The following TG variants were observed in gnomAD, a reference collection of about 807,000 sequenced individuals.
TG encodes thyroglobulin.
TG carries 270 observed loss-of-function variants against 324.7 expected under a neutral mutation model. The observed-to-expected ratio is 0.83, with a 90% CI of 0.75 to 0.92. The LOEUF is 0.92. Ranked by LOEUF, TG falls within the 40% of genes least tolerant of loss-of-function variation. The probability of loss-of-function intolerance (pLI) is 0.00; values close to 1 mark genes in which losing one functional copy is unlikely to be tolerated. For synonymous variants in TG, 1,401 were observed against 1,327.0 expected (o/e 1.06, Z -1.21); for missense variants, 3,591 against 3,456.4 (o/e 1.04, Z -0.98).
intron 34 of TG, among the ~76,000 whole-genome samples, chr8:132,981,312 G>C (rs1178621379): frequency 6.6e-6 from 1 of 152,226 alleles, no homozygotes; most frequent in East Asian, 1.9e-4. Flanking sequence ...TGTTCAATCA[G>C]TATTGGGAGA....
At chr8:133,031,592 A>C (rs1257757985) in intron 41 of TG, among the ~76,000 whole-genome samples, 1 of 152,212 alleles carries the variant, frequency 6.6e-6, no homozygotes, top group East Asian at 1.9e-4. Context: ...GATGGAGAAC[A>C]ATTAACTGTA....
At chr8:132,929,355 C>A (rs1420345309) in intron 23 of TG, among the ~76,000 whole-genome samples, 163 bp downstream of exon 23, 1 of 152,214 alleles carries the variant, frequency 6.6e-6, no homozygotes, top group Non-Finnish European at 1.5e-5. Context: ...ATATTCAATT[C>A]ATAACTTAAT....
At chr8:133,080,915 T>C (rs1845645242) in intron 41 of TG, among the ~76,000 whole-genome samples, 1 of 152,204 alleles carries the variant, frequency 6.6e-6, no homozygotes, top group Non-Finnish European at 1.5e-5. Context: ...CAACCAACAA[T>C]GATTGCTCCC....
chr8:132,919,330 A>G (rs1206279990), intron 20 of TG, 46 bp from the exon 21 acceptor site: 2 of 1,595,010 alleles, frequency 1.3e-6, no homozygotes, highest in Non-Finnish European at 1.7e-6. Flanking sequence ...TGTAACTGTG[A>G]AGCATGTGTC....
intron 5 of TG, among the ~76,000 whole-genome samples, chr8:132,875,038 C>G (rs1216198592): frequency 6.6e-6 from 1 of 152,190 alleles, no homozygotes; most frequent in Non-Finnish European, 1.5e-5. Context: ...TGGCCACTTA[C>G]TCTCTCAGAG....
In TG at chr8:133,075,317, G is replaced by A. The variant is rs371322982; in HGVS notation, c.7240-19727G>A. On this transcript the variant is annotated intron_variant, in intron 41 of 47. Coordinates refer to ENST00000220616, the MANE Select transcript of TG (RefSeq NM_003235.5). ...GGGCCCACGAAGGCTGTGGCTAAGA[G>A]CTGCAGCTTCTCTGATTTCGGTTTC... 1.4e-4 allele frequency among the ~76,000 whole-genome samples: 21 copies of A among 152,274 alleles called. 1 individual carries two copies. The highest frequency in any genetic ancestry group is 5.1e-4 in the African/African-American group (21 of 41,560).
chr8:132,872,249 C>A (rs1045919570), intron 4 of TG, among the ~76,000 whole-genome samples: 1 of 151,684 alleles, frequency 6.6e-6, no homozygotes, highest in Non-Finnish European at 1.5e-5. Flanking sequence ...GAGGCCGAGG[C>A]GGGCGGATCA....
At chr8:133,002,435 C>A (rs772058502) in intron 35 of TG, 3 of 983,220 alleles carry the variant, frequency 3.1e-6, no homozygotes, top group Non-Finnish European at 2.4e-6. Context: ...CGCCTCACAT[C>A]TTTCAGCAAG....
At chr8:132,943,669 C>T (rs537215877) in intron 26 of TG, among the ~76,000 whole-genome samples, 24 of 152,242 alleles carry the variant, frequency 1.6e-4, no homozygotes, top group African/African-American at 5.3e-4. Context: ...GACCTTCCCT[C>T]GAGTGCCTTT....
chr8:132,974,790 C>A (rs1246573424), intron 34 of TG, among the ~76,000 whole-genome samples: 1 of 152,166 alleles, frequency 6.6e-6, no homozygotes, highest in Admixed American at 6.5e-5. Context: ...CATGAAAGAT[C>A]CAGATGCAGC....
chr8:133,047,742 A>G, intron 41 of TG: 1 of 803,150 alleles, frequency 1.2e-6, no homozygotes, highest in Non-Finnish European at 2.2e-6. Context: ...CGTAGGAGGA[A>G]GGAAAATGAA....
At chr8:132,945,712 T>C (rs781195232) in intron 26 of TG, among the ~76,000 whole-genome samples, 10 of 151,960 alleles carry the variant, frequency 6.6e-5, no homozygotes, top group Admixed American at 3.9e-4. Context: ...GTAGAGAATA[T>C]GCAAAGAGAT....
intron 11 of TG, among the ~76,000 whole-genome samples, chr8:132,896,082 A>G (rs748679896): frequency 6.6e-6 from 1 of 152,260 alleles, no homozygotes; most frequent in Non-Finnish European, 1.5e-5. Context: ...GGCGAAGGCC[A>G]TGGGAGGAAA....
At chr8:133,127,081 A>G (rs1430654954) in intron 45 of TG, among the ~76,000 whole-genome samples, 2 of 152,142 alleles carry the variant, frequency 1.3e-5, no homozygotes, top group South Asian at 2.1e-4. Context: ...TCTTCACACC[A>G]TTATCAGCAG....
chr8:132,950,589 A>C (rs1825966306), intron 27 of TG, among the ~76,000 whole-genome samples: 1 of 152,172 alleles, frequency 6.6e-6, no homozygotes, highest in Non-Finnish European at 1.5e-5. Flanking sequence ...TGCTCTGCCC[A>C]TTCCTTTGTT....
chr8:132,971,869 A>T lies in TG; in HGVS notation c.6051A>T (p.Leu2017Phe). 6.2e-7 allele frequency: 1 copy of T among 1,608,552 alleles called. No homozygotes were observed. The highest frequency in any genetic ancestry group is 8.5e-7 in the Non-Finnish European group (1 of 1,174,940). ...TGFGFLNVSQLKGGEVTCLTL... is the reference protein window; with the variant it reads ...TGFGFLNVSQFKGGEVTCLTL... ...TTGGATTTCTAAATGTTTCCCAGTTAAAAGGTAATAATGGTAACAACTTCC... is the reference window on the plus strand; with the variant it reads ...TTGGATTTCTAAATGTTTCCCAGTTTAAAGGTAATAATGGTAACAACTTCC... Residue 2017 changes from leucine (L) to phenylalanine (F), a missense_variant, in exon 33 of 48, where the codon TTA becomes TTT. Leu to Phe is a conservative substitution (Grantham distance 22). Transcript: ENST00000220616.
chr8:132,986,531 C>T (rs1044614073), intron 35 of TG, among the ~76,000 whole-genome samples: 2 of 152,174 alleles, frequency 1.3e-5, no homozygotes, highest in Non-Finnish European at 1.5e-5. Flanking sequence ...TCTCACGATG[C>T]TCACCTTCTA....
intron 40 of TG, among the ~76,000 whole-genome samples, chr8:133,027,521 G>T (rs1285465609): frequency 6.6e-6 from 1 of 152,174 alleles, no homozygotes; most frequent in Non-Finnish European, 1.5e-5. Flanking sequence ...TGCAGCAGAG[G>T]GGGCGGCCCC....
chr8:133,030,195 A>G (rs1836496744), intron 41 of TG, among the ~76,000 whole-genome samples, 172 bp downstream of exon 41: 2 of 152,200 alleles, frequency 1.3e-5, no homozygotes, highest in Non-Finnish European at 2.9e-5. Flanking sequence ...CACAATGCTG[A>G]AGAGCTCTCC....
Sources: allele counts gnomAD v4.1 joint callset (sites outside exome capture counted in the v4.1 genomes callset), GRCh38; gene constraint gnomAD v4.1.1; transcripts MANE v1.5; gene names NCBI Gene and HGNC (gene_info 2026-07-23, HGNC 2026-07-21).